ZNF735: variants seen among roughly 807,000 people sequenced by gnomAD.
ZNF735 encodes zinc finger protein 735.
In ZNF735, 11 loss-of-function variants were observed where a neutral mutation model predicts 13.4. The ratio of observed to expected loss-of-function variants is 0.82; its 90% CI spans 0.52 to 1.36. The LOEUF is 1.36. Ranked by LOEUF, ZNF735 falls within the 40% of genes most tolerant of loss-of-function variation. The pLI is 0.00. For missense variants in ZNF735, 500 were observed against 484.6 expected (o/e 1.03, Z -0.30); for synonymous variants, 171 against 162.6 (o/e 1.05, Z -0.39).
At chr7:64,213,697 A>G (rs1787386764) in intron 2 of ZNF735, among the ~76,000 whole-genome samples, 1 of 152,192 alleles carries the variant, frequency 6.6e-6, no homozygotes, top group African/African-American at 2.4e-5. Context: ...ACAGTGGCTC[A>G]CACCTGTAAT....
exon 3 of ZNF735, chr7:64,214,047 T>C (rs757247476): frequency 1.2e-6 from 2 of 1,600,364 alleles, no homozygotes; most frequent in Non-Finnish European, 1.7e-6. Context: ...TGATCGCCTG[T>C]CTGGAGCAAA....
intron 2 of ZNF735, 22 bp from the exon 3 acceptor site, chr7:64,213,991 C>CA: frequency 6.4e-7 from 1 of 1,563,194 alleles, no homozygotes; most frequent in Non-Finnish European, 8.6e-7. Context: ...ATTTAAGTTA[C>CA]TTTTTTTTCT....
chr7:64,214,229 T>A, intron 3 of ZNF735, 121 bp downstream of exon 3: 1 of 1,095,030 alleles, frequency 9.1e-7, no homozygotes, highest in South Asian at 1.6e-5. Context: ...CTGAGAAGCT[T>A]GAGTATTTTT....
intron 1 of ZNF735, among the ~76,000 whole-genome samples, chr7:64,207,770 C>G (rs1266864576): frequency 6.6e-6 from 1 of 152,094 alleles, no homozygotes; most frequent in African/African-American, 2.4e-5. Context: ...GGGCGGATCA[C>G]GAGGTCAGGT....
chr7:64,219,108 A>G (rs1787455655), intron 3 of ZNF735, among the ~76,000 whole-genome samples: 1 of 152,212 alleles, frequency 6.6e-6, no homozygotes, highest in Admixed American at 6.5e-5. Flanking sequence ...TGGTGCACAC[A>G]CTTACTTTAT....
chr7:64,219,721 C>A (rs4320434), exon 4 of ZNF735: 391,226 of 1,595,360 alleles, frequency 0.25, 48,865 homozygotes, highest in East Asian at 0.3. Context: ...ATCCTTTAAC[C>A]ACTCCTCAAG....
intron 3 of ZNF735, among the ~76,000 whole-genome samples, chr7:64,216,323 CA>C (rs1787420565): frequency 6.6e-6 from 1 of 151,494 alleles, no homozygotes; most frequent in South Asian, 2.1e-4. Flanking sequence ...AACAATATTT[CA>C]ATAATAAATA....
rs1463978410 is a variant in ZNF735, at chr7:64,217,935, C to G, written c.263-1379C>G. On this transcript the variant is annotated intron_variant, in intron 3 of 3. Coordinates refer to ENST00000429565, the Ensembl canonical transcript of ZNF735. ...TGATTATTTTTATGCTTATATCTTT[C>G]AAATTTTAAAGAATAACTAAAAATG... 1.4e-4 allele frequency among the ~76,000 whole-genome samples: 22 copies of G among 152,100 alleles called. No homozygotes were observed. In the East Asian group the frequency reaches 4.2e-3, roughly 29 times the overall value.
At chr7:64,210,962 T>G in intron 1 of ZNF735, among the ~76,000 whole-genome samples, 1 of 152,130 alleles carries the variant, frequency 6.6e-6, no homozygotes. Context: ...AAAAATCACT[T>G]TTTCTCAGGT....
Sources: allele counts gnomAD v4.1 joint callset (sites outside exome capture counted in the v4.1 genomes callset), GRCh38; gene constraint gnomAD v4.1.1; transcripts MANE v1.5; gene names NCBI Gene and HGNC (gene_info 2026-07-23, HGNC 2026-07-21).